The following SRRM4 variants were observed in gnomAD, a reference collection of about 807,000 sequenced individuals.
The protein encoded by SRRM4 is serine/arginine repetitive matrix protein 4.
Under a neutral mutation model 68.9 loss-of-function variants are expected in SRRM4, and 33 were observed. The observed-to-expected ratio is 0.48, with a 90% CI of 0.36 to 0.64. The LOEUF is 0.64. Ranked by LOEUF, SRRM4 falls within the 30% of genes least tolerant of loss-of-function variation. The pLI is 0.00. For missense variants in SRRM4, 817 were observed against 827.1 expected (o/e 0.99, Z 0.15); for synonymous variants, 318 against 318.8 (o/e 1.00, Z 0.03).
intron 1 of SRRM4, among the ~76,000 whole-genome samples, chr12:119,035,430 A>G (rs1394090584): frequency 6.6e-6 from 1 of 152,186 alleles, no homozygotes; most frequent in Non-Finnish European, 1.5e-5. Context: ...TTGCAGATAG[A>G]AGTAATTATT....
In SRRM4 at chr12:119,154,406, A is replaced by C. The variant is rs1169200693; in HGVS notation, c.1532+23A>C. On this transcript the variant is annotated intron_variant, in intron 12 of 12. Coordinates refer to ENST00000267260, the MANE Select transcript of SRRM4 (RefSeq NM_194286.4). This position sits in a 1 kb window ranked among gnomAD's most constrained non-coding sequence, Gnocchi z 4.7. ...CAGGTGAGGCCAGGGGGCAAGGGGG[A>C]CCCACCTTCATCCTCGTTCCCACTC... is the stretch of plus-strand genomic sequence containing the variant. 1 of 1,608,514 alleles carries C rather than the reference A, an allele frequency of 6.2e-7. No homozygotes were observed. The highest frequency in any genetic ancestry group is 1.7e-5 in the Admixed American group (1 of 59,712).
intron 1 of SRRM4, among the ~76,000 whole-genome samples, chr12:119,061,438 G>A (rs1953811706): frequency 6.6e-6 from 1 of 152,140 alleles, no homozygotes; most frequent in Admixed American, 6.5e-5. Flanking sequence ...TTAAATAACA[G>A]GCTGCAGTGA....
rs1953369263 is a variant in SRRM4, at chr12:118,999,357, G to A, written c.131+17344G>A. Among the ~76,000 whole-genome samples, 2 of 152,138 alleles carry A rather than the reference G, an allele frequency of 1.3e-5. 1 individual carries two copies. The highest frequency in any genetic ancestry group is 4.1e-4 in the South Asian group (2 of 4,826). On this transcript the variant is annotated intron_variant, in intron 1 of 12. Coordinates refer to ENST00000267260, the MANE Select transcript of SRRM4 (RefSeq NM_194286.4). ...GACAACGCCAGCTTTGCCTTGCCAGGGGCACCTGAATGTCATGGCAGGAGG... is the reference window on the plus strand; with the variant it reads ...GACAACGCCAGCTTTGCCTTGCCAGAGGCACCTGAATGTCATGGCAGGAGG...
In SRRM4 at chr12:119,024,220, C is replaced by T. The variant is rs181523346; in HGVS notation, c.131+42207C>T. Among the ~76,000 whole-genome samples the T allele has an allele frequency of 3.3e-5, 5 of 152,250 alleles. No individual in the cohort carries two copies. The East Asian group carries it at 7.7e-4, about 24-fold the overall frequency. ...AGCCCCAAGAAGGAGGTGCTCTGCC[C>T]GAAGTCATCCAACATGTTGAGGCTG... is the stretch of plus-strand genomic sequence containing the variant. On this transcript the variant is annotated intron_variant, in intron 1 of 12. Coordinates refer to ENST00000267260, the MANE Select transcript of SRRM4 (RefSeq NM_194286.4).
At chr12:119,139,950 A>G (rs1592914118) in intron 8 of SRRM4, among the ~76,000 whole-genome samples, 1 of 152,300 alleles carries the variant, frequency 6.6e-6, no homozygotes, top group Non-Finnish European at 1.5e-5. Context: ...TGATGTTTCC[A>G]TACAGGCATA....
At chr12:119,117,768 CAGG>C (rs1166969884) in intron 4 of SRRM4, among the ~76,000 whole-genome samples, 2 of 152,032 alleles carry the variant, frequency 1.3e-5, no homozygotes, top group African/African-American at 4.8e-5. Context: ...AAAAATTAGC[CAGG>C]TGTGGTGGCA....
intron 8 of SRRM4, among the ~76,000 whole-genome samples, chr12:119,138,755 G>A (rs1355290601): frequency 6.6e-6 from 1 of 152,104 alleles, no homozygotes; most frequent in Non-Finnish European, 1.5e-5. Flanking sequence ...TTTCCATCTC[G>A]ACTTCTAAGA....
At position 118,981,660 on chromosome 12, in the gene SRRM4, C is replaced by A; in HGVS notation, c.-223C>A. 1.8e-6 allele frequency: 1 copy of A among 545,636 alleles called. No homozygotes were observed. Among genetic ancestry groups the A allele is most frequent in the Non-Finnish European group, 3.2e-6 (1 of 310,960 alleles). 33.8% of individuals were successfully genotyped at this position (545,636 alleles called of 1,614,324 possible). On this transcript the variant is annotated 5_prime_UTR_variant, in exon 1 of 13. Coordinates refer to ENST00000267260, the MANE Select transcript of SRRM4 (RefSeq NM_194286.4). ...GCCAGCTCAGAGCGCAGCCTGGAGC[C>A]GACCCAGAAGGGCGAAGAAAGCCCA...
chr12:119,067,389 A>G (rs1953852396), intron 1 of SRRM4, among the ~76,000 whole-genome samples: 1 of 152,160 alleles, frequency 6.6e-6, no homozygotes, highest in African/African-American at 2.4e-5. Flanking sequence ...TGAGTCTATC[A>G]GGTCAGATCT....
intron 1 of SRRM4, among the ~76,000 whole-genome samples, chr12:119,038,133 C>A (rs1228599635): frequency 6.6e-6 from 1 of 152,160 alleles, no homozygotes; most frequent in African/African-American, 2.4e-5. Context: ...TGTTGACAGT[C>A]CAGTAGCAAC....
intron 1 of SRRM4, among the ~76,000 whole-genome samples, chr12:119,050,906 C>A (rs1257580017): frequency 6.6e-6 from 1 of 151,998 alleles, no homozygotes; most frequent in Admixed American, 6.6e-5. Flanking sequence ...CTAAGTCACC[C>A]TAGCCACATC....
At chr12:119,096,889 TGAG>T (rs1592896674) in intron 1 of SRRM4, among the ~76,000 whole-genome samples, 1 of 152,154 alleles carries the variant, frequency 6.6e-6, no homozygotes, top group East Asian at 1.9e-4. Context: ...CCAGGCCTCT[TGAG>T]GAGTTTTGCA....
chr12:119,109,230 C>T (rs1954127244), intron 2 of SRRM4, among the ~76,000 whole-genome samples: 1 of 152,112 alleles, frequency 6.6e-6, no homozygotes, highest in South Asian at 2.1e-4. Context: ...GGTAACCCGA[C>T]CTTTCTCTCT....
intron 1 of SRRM4, among the ~76,000 whole-genome samples, chr12:119,024,385 T>C (rs1435124836): frequency 1.3e-5 from 2 of 152,198 alleles, no homozygotes. Context: ...GTTGTTGAAT[T>C]CTAGCTGATG....
chr12:119,044,564 G>A (rs1170932812), intron 1 of SRRM4, among the ~76,000 whole-genome samples: 2 of 152,098 alleles, frequency 1.3e-5, no homozygotes, highest in South Asian at 4.1e-4. Flanking sequence ...GCCATGCCAT[G>A]GTTATGGGCA....
chr12:119,160,178 C>A lies in SRRM4; in HGVS notation c.*3380C>A, dbSNP rs1954502087. ...GTGACTATCCAGCCCTAACCCAAAG[C>A]AAGGGAGTGCCCCTTTCCTGGGTGA... is the stretch of plus-strand genomic sequence containing the variant. On this transcript the variant is annotated 3_prime_UTR_variant, in exon 13 of 13. Transcript: ENST00000267260. 6.6e-6 allele frequency: 1 copy of A among 152,180 alleles called. No homozygotes were observed. The highest frequency in any genetic ancestry group is 1.5e-5 in the Non-Finnish European group (1 of 68,042). 9.4% of individuals were successfully genotyped at this position (152,180 alleles called of 1,614,324 possible).
At chr12:119,065,737 G>T (rs991465604) in intron 1 of SRRM4, among the ~76,000 whole-genome samples, 10 of 152,078 alleles carry the variant, frequency 6.6e-5, no homozygotes, top group Admixed American at 4.6e-4. Context: ...GGGCAACAGA[G>T]CAAGACTCCA....
At chr12:119,011,393 C>A (rs1953448680) in intron 1 of SRRM4, among the ~76,000 whole-genome samples, 1 of 152,164 alleles carries the variant, frequency 6.6e-6, no homozygotes, top group Non-Finnish European at 1.5e-5. Context: ...CTGGCCTCTA[C>A]CCACTAGATG....
intron 1 of SRRM4, chr12:119,001,036 AGTT>A (rs1953380519): frequency 6.5e-5 from 1 of 15,378 alleles, no homozygotes; most frequent in Non-Finnish European, 3.6e-4. Flanking sequence ...AGGGTGGCAT[AGTT>A]AGGGTAGGCA....
Sources: allele counts gnomAD v4.1 joint callset (sites outside exome capture counted in the v4.1 genomes callset), GRCh38; gene constraint gnomAD v4.1.1; non-coding constraint Gnocchi (gnomAD v3.1); transcripts MANE v1.5; gene names NCBI Gene and HGNC (gene_info 2026-07-23, HGNC 2026-07-21).